ADCY10: variants seen among roughly 807,000 people sequenced by gnomAD.
The protein encoded by ADCY10 is adenylate cyclase type 10.
In ADCY10, 156 loss-of-function variants were observed where a neutral mutation model predicts 183.3. That is an observed-to-expected ratio of 0.85 (90% confidence interval 0.75 to 0.97). The LOEUF (loss-of-function observed/expected upper bound fraction) is 0.97, where lower values mean the gene tolerates loss of function less well. Ranked by LOEUF, ADCY10 falls within the 50% of genes least tolerant of loss-of-function variation. The probability of loss-of-function intolerance (pLI) is 0.00; values close to 1 mark genes in which losing one functional copy is unlikely to be tolerated. For synonymous variants in ADCY10, 645 were observed against 670.0 expected (o/e 0.96, Z 0.58); for missense variants, 1,745 against 1,934.3 (o/e 0.90, Z 1.84).
At chr1:167,891,251 C>T (rs988204784) in intron 8 of ADCY10, among the ~76,000 whole-genome samples, 1 of 152,006 alleles carries the variant, frequency 6.6e-6, no homozygotes, top group Non-Finnish European at 1.5e-5. Flanking sequence ...TGAGCCATCA[C>T]GCTTGGCTCA....
At chr1:167,851,573 A>AG (rs1665489122) in intron 18 of ADCY10, among the ~76,000 whole-genome samples, 1 of 152,194 alleles carries the variant, frequency 6.6e-6, no homozygotes. Flanking sequence ...CTGTAATCCC[A>AG]GCATTTTGGG....
Position 167,823,040 on chromosome 1 carries a change from T to TAG in ADCY10, c.4134_4135dup (p.Tyr1379SerfsTer49). ...AAGCAGGATGTCCAAGCAGACAAAA[T>TAG]AGAAAAATGCCTTGCTGAAGATGTG... On this transcript the variant is annotated frameshift_variant, in exon 29 of 33. Transcript: ENST00000367851. LOFTEE classifies it high-confidence loss of function. The TAG allele has an allele frequency of 6.2e-7, 1 of 1,613,890 alleles. No homozygotes were observed. The highest frequency in any genetic ancestry group is 8.5e-7 in the Non-Finnish European group (1 of 1,179,980).
Position 167,853,900 on chromosome 1 carries a change from G to A in ADCY10, c.2308+453C>T, listed in dbSNP as rs538182859. On this transcript the variant is annotated intron_variant, in intron 18 of 32. Coordinates refer to ENST00000367851, the MANE Select transcript of ADCY10 (RefSeq NM_018417.6). ...GTTGCCCAGGCTGGAGTGCAGTGGTGCAATCTCAGCTCACTTCAACCTCCA... is the reference window on the plus strand; with the variant it reads ...GTTGCCCAGGCTGGAGTGCAGTGGTACAATCTCAGCTCACTTCAACCTCCA... Among the ~76,000 whole-genome samples the A allele has an allele frequency of 8.2e-5, 11 of 134,130 alleles. 1 individual carries two copies. In the South Asian group the frequency reaches 2.7e-3, roughly 33 times the overall value. The allele number at this position is 134,130 out of a possible 152,430, so 88.0% of individuals were successfully genotyped here. A position where few individuals can be genotyped will look rare whatever the true frequency, so the allele number is the denominator to read the frequency against.
At chr1:167,822,969 A>G in intron 29 of ADCY10, 39 bp downstream of exon 29, 2 of 1,576,870 alleles carry the variant, frequency 1.3e-6, no homozygotes. Flanking sequence ...ACAGGTATCA[A>G]CACCCCCAAG....
intron 21 of ADCY10, among the ~76,000 whole-genome samples, chr1:167,840,207 G>T (rs946956923): frequency 1.3e-5 from 2 of 151,226 alleles, no homozygotes; most frequent in Non-Finnish European, 2.9e-5. Flanking sequence ...ATTCCAGCCT[G>T]GGCAACAGAG....
intron 16 of ADCY10, among the ~76,000 whole-genome samples, chr1:167,858,446 C>T (rs556521723): frequency 1.4e-5 from 2 of 139,156 alleles, no homozygotes; most frequent in African/African-American, 2.7e-5. Flanking sequence ...CTCAGTGAGC[C>T]GAGACCGCAC....
intron 8 of ADCY10, among the ~76,000 whole-genome samples, chr1:167,885,418 G>A (rs1668152931): frequency 6.6e-6 from 1 of 152,146 alleles, no homozygotes; most frequent in African/African-American, 2.4e-5. Context: ...AGTGTACAAG[G>A]ATTCCCTTTT....
At position 167,866,909 on chromosome 1, in the gene ADCY10, G is replaced by A. The variant is rs376948531; in HGVS notation, c.1616+3348C>T. Among the ~76,000 whole-genome samples the A allele has an allele frequency of 8.5e-5, 13 of 152,286 alleles. No individual in the cohort carries two copies. The East Asian group carries it at 2.1e-3, about 25-fold the overall frequency. On this transcript the variant is annotated intron_variant, in intron 14 of 32. Transcript: ENST00000367851. ...GCCCCCATATCTAAGGGCCCTGGCA[G>A]CAACGGCCCTGTTAGCACAAGAAGC...
intron 22 of ADCY10, among the ~76,000 whole-genome samples, chr1:167,836,747 C>T (rs917621780): frequency 2.0e-5 from 3 of 152,044 alleles, no homozygotes; most frequent in Non-Finnish European, 4.4e-5. Flanking sequence ...AAAATTAGGC[C>T]GGGTGCGGTG....
chr1:167,853,570 C>T (rs182127371), intron 18 of ADCY10, among the ~76,000 whole-genome samples: 9 of 152,284 alleles, frequency 5.9e-5, no homozygotes, highest in African/African-American at 1.7e-4. Flanking sequence ...TGCTTTCCAA[C>T]TTGTAATCTC....
In ADCY10 at chr1:167,836,246, TTCTGGC is replaced by T; in HGVS notation, c.3309+57_3309+62del. 7 of 1,136,706 alleles carry T rather than the reference TTCTGGC, an allele frequency of 6.2e-6. No homozygotes were observed. In the South Asian group the frequency reaches 9.0e-5, roughly 15 times the overall value. The allele number at this position is 1,136,706 out of a possible 1,614,324, so 70.4% of individuals were successfully genotyped here. On this transcript the variant is annotated intron_variant, in intron 23 of 32. Transcript: ENST00000367851. ...AATCAGAAAGCATGCTGGAGCTTCC[TTCTGGC>T]TCTATGTTCTATGAATTGTCTCTAG...
intron 8 of ADCY10, among the ~76,000 whole-genome samples, chr1:167,887,793 C>G (rs967685893): frequency 3.0e-4 from 45 of 150,560 alleles, no homozygotes; most frequent in African/African-American, 1.0e-3. Flanking sequence ...AAAAAAAACA[C>G]TTGATGTTAT....
chr1:167,894,014 C>T lies in ADCY10; in HGVS notation c.740-73G>A. The T allele has an allele frequency of 2.9e-6, 3 of 1,024,548 alleles. No individual in the cohort carries two copies. The South Asian group carries it at 3.9e-5, about 13-fold the overall frequency. 63.5% of individuals were successfully genotyped at this position (1,024,548 alleles called of 1,614,324 possible). Reference sequence around the variant, plus strand: ...CTGCAGTGCTAGTGAGAGGAGGCTCCCAGTCCCTATTCTCTTGGGCAGTGG... The same window carrying T: ...CTGCAGTGCTAGTGAGAGGAGGCTCTCAGTCCCTATTCTCTTGGGCAGTGG... On this transcript the variant is annotated intron_variant, in intron 7 of 32. Transcript: ENST00000367851.
At chr1:167,902,297 G>A (rs938580462) in intron 3 of ADCY10, among the ~76,000 whole-genome samples, 1 of 152,204 alleles carries the variant, frequency 6.6e-6, no homozygotes, top group African/African-American at 2.4e-5. Context: ...GGAAAGACAG[G>A]AGAAAGGCAG....
intron 19 of ADCY10, among the ~76,000 whole-genome samples, chr1:167,847,550 G>A (rs549348560): frequency 6.6e-6 from 1 of 151,964 alleles, no homozygotes; most frequent in African/African-American, 2.4e-5. Context: ...TCAGTAGCTG[G>A]GATTACATGC....
intron 9 of ADCY10, 106 bp downstream of exon 9, chr1:167,883,331 C>A: frequency 7.5e-7 from 1 of 1,333,252 alleles, no homozygotes; most frequent in Admixed American, 1.7e-5. Flanking sequence ...AGCCACCACG[C>A]CCAGCCTCTA....
chr1:167,837,491 A>G (rs887557709), intron 21 of ADCY10, among the ~76,000 whole-genome samples, 173 bp from the exon 22 acceptor site: 1 of 152,258 alleles, frequency 6.6e-6, no homozygotes, highest in African/African-American at 2.4e-5. Flanking sequence ...GAGTTCTCAC[A>G]ATAGAATTAG....
intron 16 of ADCY10, among the ~76,000 whole-genome samples, chr1:167,856,866 AC>A (rs1665944749): frequency 6.6e-6 from 1 of 152,250 alleles, no homozygotes; most frequent in Admixed American, 6.5e-5. Context: ...GCACATGCTT[AC>A]TGAGCACCCC....
intron 26 of ADCY10, among the ~76,000 whole-genome samples, chr1:167,827,463 G>T (rs1663391693): frequency 6.6e-6 from 1 of 151,522 alleles, no homozygotes; most frequent in African/African-American, 2.4e-5. Flanking sequence ...ACCATGCCCG[G>T]CCTGCTGATT....
Sources: gnomAD v4.1 joint callset for allele counts (sites outside exome capture counted in the v4.1 genomes callset) on GRCh38, gnomAD v4.1.1 for gene constraint, MANE v1.5 for transcripts, NCBI Gene and HGNC (gene_info 2026-07-23, HGNC 2026-07-21) for gene names.